Variants in PLA2G4A observed in about 807,000 individuals in gnomAD.
The protein encoded by PLA2G4A is cytosolic phospholipase A2.
In PLA2G4A, 40 loss-of-function variants were observed where a neutral mutation model predicts 81.9. The ratio of observed to expected loss-of-function variants is 0.49; its 90% CI spans 0.38 to 0.64. PLA2G4A has a LOEUF of 0.64. Among genes scored for constraint, PLA2G4A ranks in the 30% least tolerant of loss-of-function variants. The pLI is 0.00. For missense variants in PLA2G4A, 715 were observed against 905.1 expected (o/e 0.79, Z 2.69); for synonymous variants, 302 against 296.9 (o/e 1.02, Z -0.18).
chr1:186,939,496 A>G (rs1179824045), intron 9 of PLA2G4A, among the ~76,000 whole-genome samples: 6 of 15,724 alleles, frequency 3.8e-4, no homozygotes, highest in African/African-American at 8.7e-4. Flanking sequence ...TCTCTGGAAA[A>G]AAAAAAAAAA....
At chr1:186,952,641 G>T (rs192949366) in intron 13 of PLA2G4A, among the ~76,000 whole-genome samples, 1 of 152,184 alleles carries the variant, frequency 6.6e-6, no homozygotes, top group Non-Finnish European at 1.5e-5. Flanking sequence ...AATATGTAAT[G>T]ACATATATTC....
intron 13 of PLA2G4A, among the ~76,000 whole-genome samples, chr1:186,951,186 G>C (rs1460047552): frequency 2.0e-5 from 3 of 152,044 alleles, no homozygotes; most frequent in Non-Finnish European, 2.9e-5. Flanking sequence ...TCTTGAGAAA[G>C]GATTAGTGAT....
At chr1:186,955,859 G>A (rs749480116) in intron 13 of PLA2G4A, among the ~76,000 whole-genome samples, 10 of 148,302 alleles carry the variant, frequency 6.7e-5, no homozygotes, top group Middle Eastern at 3.3e-3. Context: ...TCAGCCTCCC[G>A]AGTAGCTGGG....
chr1:186,911,696 T>C (rs1654950109), intron 7 of PLA2G4A, among the ~76,000 whole-genome samples: 2 of 152,156 alleles, frequency 1.3e-5, no homozygotes, highest in Admixed American at 6.5e-5. Flanking sequence ...TTCTTCTCCC[T>C]GCACAACCTC....
chr1:186,964,026 T>C (rs1313989669), intron 14 of PLA2G4A, among the ~76,000 whole-genome samples: 1 of 152,242 alleles, frequency 6.6e-6, no homozygotes, highest in Non-Finnish European at 1.5e-5. Context: ...TATTCTTACT[T>C]AGAAATCTAT....
At chr1:186,857,774 G>A (rs974389523) in intron 2 of PLA2G4A, among the ~76,000 whole-genome samples, 17 of 151,550 alleles carry the variant, frequency 1.1e-4, no homozygotes, top group East Asian at 1.9e-4. Flanking sequence ...CCTGACAGGC[G>A]TTGGTGTGTG....
chr1:186,867,587 G>A (rs578130449), intron 2 of PLA2G4A, among the ~76,000 whole-genome samples: 1 of 151,764 alleles, frequency 6.6e-6, no homozygotes, highest in Non-Finnish European at 1.5e-5. Context: ...TTAGTTCCAG[G>A]AGTTTTTTTT....
chr1:186,962,056 A>G (rs1330793933), intron 14 of PLA2G4A, among the ~76,000 whole-genome samples: 2 of 152,174 alleles, frequency 1.3e-5, no homozygotes, highest in Non-Finnish European at 2.9e-5. Context: ...TTAGTGACTC[A>G]GTGGCCATCT....
chr1:186,858,170 A>G (rs1652661268), intron 2 of PLA2G4A, among the ~76,000 whole-genome samples: 1 of 152,202 alleles, frequency 6.6e-6, no homozygotes. Flanking sequence ...TAGATCCCTG[A>G]GGAATCGCCA....
chr1:186,871,996 A>G (rs982661489), intron 3 of PLA2G4A, among the ~76,000 whole-genome samples: 1 of 152,106 alleles, frequency 6.6e-6, no homozygotes, highest in Non-Finnish European at 1.5e-5. Flanking sequence ...GAATGAGGAG[A>G]GTCCAGGAAG....
At chr1:186,968,750 T>C (rs1657229525) in intron 15 of PLA2G4A, among the ~76,000 whole-genome samples, 1 of 151,944 alleles carries the variant, frequency 6.6e-6, no homozygotes, top group African/African-American at 2.4e-5. Context: ...TAGGTTGGTT[T>C]CTAGATGTGT....
intron 3 of PLA2G4A, among the ~76,000 whole-genome samples, chr1:186,884,840 C>A (rs1019886551): frequency 6.6e-6 from 1 of 150,606 alleles, no homozygotes; most frequent in African/African-American, 2.4e-5. Context: ...GCTGAGATGG[C>A]ACCATGGTGC....
chr1:186,865,682 A>G (rs1454137678), intron 2 of PLA2G4A, among the ~76,000 whole-genome samples: 2 of 152,194 alleles, frequency 1.3e-5, no homozygotes, highest in Non-Finnish European at 2.9e-5. Flanking sequence ...TTTATTTTCC[A>G]TCAACTTTAT....
intron 7 of PLA2G4A, among the ~76,000 whole-genome samples, chr1:186,923,389 T>C (rs1655433817): frequency 6.6e-6 from 1 of 152,250 alleles, no homozygotes. Flanking sequence ...ACCATCCTTG[T>C]ATTGGTATAC....
At chr1:186,937,063 C>T (rs1655974750) in intron 8 of PLA2G4A, among the ~76,000 whole-genome samples, 1 of 150,866 alleles carries the variant, frequency 6.6e-6, no homozygotes, top group Non-Finnish European at 1.5e-5. Flanking sequence ...TAATCTCACT[C>T]AGTTAGATGT....
chr1:186,968,038 G>GA (rs2102280287), intron 15 of PLA2G4A, among the ~76,000 whole-genome samples: 2 of 152,170 alleles, frequency 1.3e-5, no homozygotes, highest in South Asian at 4.1e-4. Flanking sequence ...TGACCTATGA[G>GA]AAACAATGGG....
chr1:186,918,703 C>T (rs893086962), intron 7 of PLA2G4A, among the ~76,000 whole-genome samples: 1 of 152,212 alleles, frequency 6.6e-6, no homozygotes, highest in Admixed American at 6.5e-5. Context: ...GTTATGCTCG[C>T]CCGGGCTCTC....
Position 186,939,338 on chromosome 1 carries a change from G to A in PLA2G4A, c.918+108G>A, listed in dbSNP as rs1656065298. Reference sequence around the variant, plus strand: ...GTAATACATTTTATAAAAGTCAGTGGACTCTACTTATTTGTCCAACTATGC... The same window carrying A: ...GTAATACATTTTATAAAAGTCAGTGAACTCTACTTATTTGTCCAACTATGC... On this transcript the variant is annotated intron_variant, in intron 9 of 17. Transcript: ENST00000367466. The A allele has an allele frequency of 3.2e-5, 17 of 524,160 alleles. No homozygotes were observed. The South Asian group carries it at 5.5e-4, about 17-fold the overall frequency. The allele number at this position is 524,160 out of a possible 1,614,324, so 32.5% of individuals were successfully genotyped here. A position where few individuals can be genotyped will look rare whatever the true frequency, so the allele number is the denominator to read the frequency against.
chr1:186,977,759 A>G lies in PLA2G4A; in HGVS notation c.1931A>G (p.Asn644Ser), dbSNP rs754894098. Reference sequence around the variant, plus strand: ...ACCATCATCCACTTTGTTCTGGCCAACATCAACTTCAGAAAGTACAGGGCT... The same window carrying G: ...ACCATCATCCACTTTGTTCTGGCCAGCATCAACTTCAGAAAGTACAGGGCT... ...CPTIIHFVLA[N>S]INFRKYRAPG... Residue 644 changes from asparagine (N) to serine (S), a missense_variant, in exon 16 of 18, where the codon AAC becomes AGC. Coordinates refer to ENST00000367466, the MANE Select transcript of PLA2G4A (RefSeq NM_024420.3). 6.2e-7 allele frequency: 1 copy of G among 1,613,386 alleles called. No individual in the cohort carries two copies. Among genetic ancestry groups the G allele is most frequent in the Non-Finnish European group, 8.5e-7 (1 of 1,179,296 alleles).
Sources: gnomAD v4.1 joint callset for allele counts (sites outside exome capture counted in the v4.1 genomes callset) on GRCh38, gnomAD v4.1.1 for gene constraint, MANE v1.5 for transcripts, NCBI Gene and HGNC (gene_info 2026-07-23, HGNC 2026-07-21) for gene names.